CADM2: variants seen among roughly 807,000 people sequenced by gnomAD.
CADM2 encodes cell adhesion molecule 2.
In CADM2, 12 loss-of-function variants were observed where a neutral mutation model predicts 49.8. That is an observed-to-expected ratio of 0.24 (90% CI 0.15 to 0.39). The LOEUF is 0.39. CADM2 is among the 10% of genes least tolerant of loss of function. The probability of loss-of-function intolerance (pLI) is 1.00; values close to 1 mark genes in which losing one functional copy is unlikely to be tolerated. For synonymous variants in CADM2, 214 were observed against 175.4 expected (o/e 1.22, Z -1.74); for missense variants, 378 against 492.3 (o/e 0.77, Z 2.20).
intron 1 of CADM2, among the ~76,000 whole-genome samples, chr3:85,087,104 G>T (rs566710027): frequency 9.2e-5 from 14 of 152,142 alleles, no homozygotes; most frequent in African/African-American, 3.4e-4. Flanking sequence ...GCAGCAGAAA[G>T]GTCAAAAACT....
chr3:85,338,131 G>A (rs1286322561), intron 1 of CADM2, among the ~76,000 whole-genome samples: 1 of 151,572 alleles, frequency 6.6e-6, no homozygotes, highest in African/African-American at 2.4e-5. Context: ...AATTGCTTGA[G>A]TATAGTAGAA....
intron 1 of CADM2, among the ~76,000 whole-genome samples, chr3:85,091,334 A>G (rs2037589881): frequency 6.6e-6 from 1 of 152,180 alleles, no homozygotes; most frequent in Non-Finnish European, 1.5e-5. Context: ...GAAACCCTAT[A>G]GCTTTATAGC....
chr3:85,768,239 G>A (rs1366852762), intron 2 of CADM2, among the ~76,000 whole-genome samples: 1 of 151,914 alleles, frequency 6.6e-6, no homozygotes, highest in East Asian at 1.9e-4. Flanking sequence ...CTGAGCTCAG[G>A]AGTTCATTAC....
intron 1 of CADM2, among the ~76,000 whole-genome samples, chr3:85,318,636 C>A (rs2044527866): frequency 6.6e-6 from 1 of 152,068 alleles, no homozygotes; most frequent in East Asian, 1.9e-4. Flanking sequence ...TTTAGGGATT[C>A]ACTTCACATA....
intron 8 of CADM2, among the ~76,000 whole-genome samples, chr3:86,053,243 A>G (rs1401637063): frequency 3.3e-5 from 5 of 152,164 alleles, no homozygotes. Context: ...TTTTTATTAT[A>G]TCCTATCAAT....
At chr3:85,267,260 C>T (rs899601278) in intron 1 of CADM2, among the ~76,000 whole-genome samples, 1 of 151,666 alleles carries the variant, frequency 6.6e-6, no homozygotes, top group African/African-American at 2.4e-5. Flanking sequence ...ATGTAGGTAG[C>T]GTCTGAAATG....
chr3:85,150,657 C>T (rs1575985754), intron 1 of CADM2, among the ~76,000 whole-genome samples: 1 of 151,854 alleles, frequency 6.6e-6, no homozygotes, highest in African/African-American at 2.4e-5. Context: ...ATAATCTCAG[C>T]ACTTTGGGAG....
At chr3:85,408,285 A>G (rs2035494321) in intron 1 of CADM2, among the ~76,000 whole-genome samples, 1 of 152,236 alleles carries the variant, frequency 6.6e-6, no homozygotes, top group Admixed American at 6.5e-5. Flanking sequence ...TTACATGTAC[A>G]TAGAAGAAAA....
intron 1 of CADM2, among the ~76,000 whole-genome samples, chr3:84,976,654 C>T (rs911375410): frequency 2.0e-5 from 3 of 151,658 alleles, no homozygotes; most frequent in African/African-American, 4.8e-5. Flanking sequence ...CAGTTCATAC[C>T]GAAATGCTCT....
intron 1 of CADM2, among the ~76,000 whole-genome samples, chr3:85,455,831 G>C (rs1161821857): frequency 1.1e-4 from 17 of 152,144 alleles, no homozygotes; most frequent in Admixed American, 1.1e-3. Flanking sequence ...ATGAGAAAGT[G>C]GGTATGAGTG....
chr3:85,307,126 A>G (rs1361532031), intron 1 of CADM2, among the ~76,000 whole-genome samples: 2 of 151,638 alleles, frequency 1.3e-5, no homozygotes, highest in African/African-American at 4.8e-5. Context: ...GTTGCAAAAA[A>G]TACTTCAAAT....
At chr3:85,457,789 G>T (rs1410990050) in intron 1 of CADM2, among the ~76,000 whole-genome samples, 1 of 151,972 alleles carries the variant, frequency 6.6e-6, no homozygotes, top group African/African-American at 2.4e-5. Context: ...TTCTAAATTT[G>T]TTTTTATTTT....
chr3:85,744,137 A>G (rs576617382), intron 2 of CADM2, among the ~76,000 whole-genome samples: 1 of 152,152 alleles, frequency 6.6e-6, no homozygotes, highest in Non-Finnish European at 1.5e-5. Flanking sequence ...GCCTAGTGGT[A>G]GGGCAACTGC....
intron 1 of CADM2, among the ~76,000 whole-genome samples, chr3:84,999,436 A>T (rs1319042976): frequency 6.6e-6 from 1 of 152,152 alleles, no homozygotes; most frequent in Non-Finnish European, 1.5e-5. Context: ...TATCTAACAC[A>T]GATATTTTCT....
chr3:85,487,636 C>G lies in CADM2; in HGVS notation c.62-238886C>G, dbSNP rs1413618182. ...AGGAGGAGGAAGTGGAGGAGGAGGA[C>G]GAAGAGGAGGAGGAGGAGGAGGAGA... is the stretch of plus-strand genomic sequence containing the variant. On this transcript the variant is annotated intron_variant, in intron 1 of 9. Transcript: ENST00000383699. Among the ~76,000 whole-genome samples the G allele has an allele frequency of 1.9e-4, 24 of 124,306 alleles. No homozygotes were observed. In the East Asian group the frequency reaches 4.9e-3, roughly 25 times the overall value. The allele number at this position is 124,306 out of a possible 152,430, so 81.5% of individuals were successfully genotyped here. A position where few individuals can be genotyped will look rare whatever the true frequency, so the allele number is the denominator to read the frequency against.
intron 1 of CADM2, among the ~76,000 whole-genome samples, chr3:85,682,511 G>A (rs1577076929): frequency 6.6e-6 from 1 of 151,988 alleles, no homozygotes; most frequent in East Asian, 1.9e-4. Context: ...AGTTTCAGTG[G>A]TACGTGAAGG....
At chr3:85,489,292 A>C (rs1320290425) in intron 1 of CADM2, among the ~76,000 whole-genome samples, 1 of 152,160 alleles carries the variant, frequency 6.6e-6, no homozygotes, top group Non-Finnish European at 1.5e-5. Flanking sequence ...TTCCGATGTG[A>C]TTAGACTGAT....
intron 8 of CADM2, among the ~76,000 whole-genome samples, chr3:86,001,249 T>C (rs1272338173): frequency 6.6e-6 from 1 of 152,076 alleles, no homozygotes; most frequent in African/African-American, 2.4e-5. Flanking sequence ...GTATTTGATA[T>C]CTCCAAGTGA....
intron 3 of CADM2, among the ~76,000 whole-genome samples, chr3:85,855,820 GTT>G (rs1577485071): frequency 6.6e-6 from 1 of 151,494 alleles, no homozygotes; most frequent in African/African-American, 2.4e-5. Context: ...TAGAGACGGG[GTT>G]TCACTGTGTT....
Sources: allele counts gnomAD v4.1 joint callset (sites outside exome capture counted in the v4.1 genomes callset), GRCh38; gene constraint gnomAD v4.1.1; transcripts MANE v1.5; gene names NCBI Gene and HGNC (gene_info 2026-07-23, HGNC 2026-07-21).